Variants in ARFGEF1 observed in about 807,000 individuals in gnomAD.
ARFGEF1 encodes ARF guanine nucleotide exchange factor 1, also known as brefeldin A-inhibited guanine nucleotide-exchange protein 1.
Under a neutral mutation model 231.0 loss-of-function variants are expected in ARFGEF1, and 42 were observed. The ratio of observed to expected loss-of-function variants is 0.18; its 90% CI spans 0.14 to 0.24. ARFGEF1 has a LOEUF of 0.24. Ranked by LOEUF, ARFGEF1 falls within the 10% of genes least tolerant of loss-of-function variation. The pLI is 1.00. For missense variants in ARFGEF1, 1,345 were observed against 2,192.0 expected, an observed-to-expected ratio of 0.61 and a Z score of 7.72; for synonymous variants, 710 against 732.3, an observed-to-expected ratio of 0.97 and a Z score of 0.49.
chr8:67,184,410 TAAAAG>T (rs1178034723), intron 5 of ARFGEF1, among the ~76,000 whole-genome samples: 2 of 152,246 alleles, frequency 1.3e-5, no homozygotes, highest in African/African-American at 4.8e-5. Flanking sequence ...GCCAAGCTAA[TAAAAG>T]AGAAGACACA....
rs1017592918 is a variant in ARFGEF1, at chr8:67,190,651, G to T, written c.560+9745C>A. On this transcript the variant is annotated intron_variant, in intron 5 of 5. Coordinates refer to the ARFGEF1 transcript ENST00000518789. ...TTCTGCTTTTCGGGGTCCTCTTAGG[G>T]GCTTACGGTGAGACATATCCTGCCA... 2 of 1,613,300 alleles carry T rather than the reference G, an allele frequency of 1.2e-6. No individual in the cohort carries two copies. Among genetic ancestry groups the T allele is most frequent in the Non-Finnish European group, 1.7e-6 (2 of 1,179,408 alleles).
At chr8:67,328,382 C>G (rs940325813) in intron 1 of ARFGEF1, among the ~76,000 whole-genome samples, 1 of 152,088 alleles carries the variant, frequency 6.6e-6, no homozygotes, top group South Asian at 2.1e-4. Context: ...ATTTGTAAGT[C>G]TTTTTACATC....
chr8:67,178,599 T>G (rs1832247148), intron 5 of ARFGEF1, among the ~76,000 whole-genome samples: 1 of 152,002 alleles, frequency 6.6e-6, no homozygotes, highest in Admixed American at 6.5e-5. Flanking sequence ...GGGTTTATAG[T>G]TGGAAATACA....
chr8:67,258,026 T>C (rs1386962799), intron 16 of ARFGEF1, 59 bp downstream of exon 16: 2 of 1,458,978 alleles, frequency 1.4e-6, no homozygotes, highest in Non-Finnish European at 1.9e-6. Flanking sequence ...CCCTGGATGC[T>C]ACCTAGCACA....
At chr8:67,212,298 G>C (rs1368889110) in intron 33 of ARFGEF1, among the ~76,000 whole-genome samples, 2 of 152,122 alleles carry the variant, frequency 1.3e-5, no homozygotes, top group African/African-American at 2.4e-5. Context: ...GGTCATGCTG[G>C]TCTCCAACTC....
At chr8:67,220,001 C>G (rs756738004) in intron 29 of ARFGEF1, among the ~76,000 whole-genome samples, 2 of 152,162 alleles carry the variant, frequency 1.3e-5, no homozygotes, top group South Asian at 2.1e-4. Flanking sequence ...ATACTAGAAG[C>G]CTTATTCATG....
rs759911026 is a variant in ARFGEF1 at position 67,246,007 on chromosome 8, T to C, written c.2850+5292A>G. ...AAACTAGGAAGAGACAAAGCCAATA[T>C]GCAATGATAAAGAGGTCAATTCAGC... On this transcript the variant is annotated intron_variant, in intron 19 of 38. Coordinates refer to ENST00000262215, the MANE Select transcript of ARFGEF1 (RefSeq NM_006421.5). 8.6e-5 allele frequency among the ~76,000 whole-genome samples: 13 copies of C among 150,478 alleles called. 1 individual carries two copies. The highest frequency in any genetic ancestry group is 1.8e-4 in the Non-Finnish European group (12 of 67,810).
At position 67,292,093 on chromosome 8, in the gene ARFGEF1, T is replaced by C. The variant is rs753804375; in HGVS notation, c.670A>G (p.Arg224Gly). Residue 224 changes from arginine to glycine, a missense_variant, in exon 6 of 39, where the codon AGG becomes GGG. Arg to Gly is a moderately radical substitution (Grantham distance 125). This residue lies in a region of ARFGEF1 where 398 missense variants were observed against 463.2 expected (regional missense o/e 0.86). Transcript: ENST00000262215. ...LQEAKQMEKE[R>G]HRQHHHLLQS... ...AACAGATGATGATGCTGCCGATGCC[T>C]TTCTTTTTCCATTTGTTTTGCTTCC... 1 of 1,612,870 alleles carries C rather than the reference T, an allele frequency of 6.2e-7. No homozygotes were observed. The highest frequency in any genetic ancestry group is 1.1e-5 in the South Asian group (1 of 90,606).
At chr8:67,284,400 T>TG (rs1341239138) in intron 7 of ARFGEF1, among the ~76,000 whole-genome samples, 1 of 152,208 alleles carries the variant, frequency 6.6e-6, no homozygotes, top group Non-Finnish European at 1.5e-5. Flanking sequence ...AAGGAGCTGA[T>TG]GGAGTTCTCC....
downstream of ARFGEF1, chr8:67,195,370 T>TGCCTC: frequency 6.2e-7 from 1 of 1,604,888 alleles, no homozygotes; most frequent in Non-Finnish European, 8.5e-7. Context: ...ACGTGTCCCT[T>TGCCTC]GCCTCCTGTA....
chr8:67,269,340 CCACGTT>C (rs1804976245), intron 10 of ARFGEF1, among the ~76,000 whole-genome samples: 1 of 150,544 alleles, frequency 6.6e-6, no homozygotes, highest in African/African-American at 2.4e-5. Flanking sequence ...TGGGCTTTCT[CCACGTT>C]CAGCTTTTTT....
At chr8:67,308,732 G>A (rs1305687704) in intron 1 of ARFGEF1, among the ~76,000 whole-genome samples, 1 of 152,040 alleles carries the variant, frequency 6.6e-6, no homozygotes, top group African/African-American at 2.4e-5. Context: ...CTTTGATTCT[G>A]AGCTACTTGA....
chr8:67,255,084 G>A (rs2128887380), intron 17 of ARFGEF1, among the ~76,000 whole-genome samples: 1 of 152,322 alleles, frequency 6.6e-6, no homozygotes, highest in South Asian at 2.1e-4. Context: ...ATCAGAGGCA[G>A]AGAAAAGTCT....
At chr8:67,221,909 G>T (rs1047505462) in intron 29 of ARFGEF1, among the ~76,000 whole-genome samples, 1 of 151,112 alleles carries the variant, frequency 6.6e-6, no homozygotes, top group African/African-American at 2.4e-5. Context: ...CACCTCCCAG[G>T]TTCAAGCCAT....
chr8:67,282,458 AG>A (rs1487060113), intron 7 of ARFGEF1, among the ~76,000 whole-genome samples: 1 of 152,222 alleles, frequency 6.6e-6, no homozygotes, highest in Non-Finnish European at 1.5e-5. Context: ...TTATAATCTT[AG>A]GGTGGTAAAA....
intron 14 of ARFGEF1, among the ~76,000 whole-genome samples, chr8:67,262,883 T>C (rs1279717509): frequency 2.0e-5 from 3 of 152,242 alleles, no homozygotes; most frequent in African/African-American, 7.2e-5. Flanking sequence ...AACATAACTT[T>C]AATGCACTGA....
At chr8:67,189,578 AATT>A (rs1192487813) in intron 5 of ARFGEF1, among the ~76,000 whole-genome samples, 1 of 152,206 alleles carries the variant, frequency 6.6e-6, no homozygotes, top group Admixed American at 6.5e-5. Flanking sequence ...TCTGAATATC[AATT>A]ATATGTTAAA....
chr8:67,260,492 C>A (rs1804571116), intron 14 of ARFGEF1, among the ~76,000 whole-genome samples: 1 of 152,118 alleles, frequency 6.6e-6, no homozygotes, highest in South Asian at 2.1e-4. Flanking sequence ...TGATCAGTGA[C>A]CTTTGATGTT....
At chr8:67,275,845 C>T in intron 9 of ARFGEF1, 131 bp downstream of exon 9, 1 of 1,091,232 alleles carries the variant, frequency 9.2e-7, no homozygotes, top group Non-Finnish European at 1.3e-6. Flanking sequence ...CGTAAAATAC[C>T]TCCCCTCCAC....
Sources: allele counts gnomAD v4.1 joint callset (sites outside exome capture counted in the v4.1 genomes callset), GRCh38; gene constraint gnomAD v4.1.1; regional missense constraint gnomAD v4.1.1; transcripts MANE v1.5; gene names NCBI Gene and HGNC (gene_info 2026-07-23, HGNC 2026-07-21).